The following MRTFA variants were observed in gnomAD, a reference collection of about 807,000 sequenced individuals.
MRTFA encodes myocardin-related transcription factor A.
In MRTFA, 20 loss-of-function variants were observed where a neutral mutation model predicts 83.5. The observed-to-expected ratio is 0.24, with a 90% confidence interval of 0.17 to 0.35. The LOEUF (loss-of-function observed/expected upper bound fraction) is 0.35, where lower values mean the gene tolerates loss of function less well. MRTFA is among the 10% of genes least tolerant of loss of function. MRTFA has a pLI of 1.00. For missense variants in MRTFA, 1,200 were observed against 1,224.7 expected (o/e 0.98, Z 0.30); for synonymous variants, 659 against 541.2 (o/e 1.22, Z -3.02).
intron 2 of MRTFA, among the ~76,000 whole-genome samples, chr22:40,582,384 T>C (rs1250532917): frequency 6.6e-6 from 1 of 152,250 alleles, no homozygotes; most frequent in African/African-American, 2.4e-5. Flanking sequence ...AATATTCATG[T>C]AAAAGTTTCT....
chr22:40,513,626 A>G lies in MRTFA; in HGVS notation c.241+38480T>C, dbSNP rs533969756. On this transcript the variant is annotated intron_variant, in intron 3 of 14. Coordinates refer to ENST00000355630, the MANE Select transcript of MRTFA (RefSeq NM_020831.6). The stretch of plus-strand genomic sequence containing the variant: ...TCAAAAAAAAAAAAAAAAGAAAAAG[A>G]AAAGGAAAAGACAAAATGCTTGCCA... Among the ~76,000 whole-genome samples, 11 of 151,756 alleles carry G rather than the reference A, an allele frequency of 7.2e-5. No homozygotes were observed. In the South Asian group the frequency reaches 2.3e-3, roughly 32 times the overall value.
intron 2 of MRTFA, 127 bp downstream of exon 2, chr22:40,594,547 G>A (rs183868725): frequency 1.3e-5 from 2 of 151,910 alleles, no homozygotes; most frequent in East Asian, 1.9e-4. Flanking sequence ...CGATGAGTGA[G>A]ACTGAAAAAG....
chr22:40,462,285 T>C (rs2053728532), intron 4 of MRTFA, among the ~76,000 whole-genome samples: 1 of 152,208 alleles, frequency 6.6e-6, no homozygotes, highest in Admixed American at 6.5e-5. Flanking sequence ...AAGAGCTGGA[T>C]TTATCTTGCT....
At chr22:40,590,577 G>T (rs2056105376) in intron 2 of MRTFA, among the ~76,000 whole-genome samples, 1 of 150,408 alleles carries the variant, frequency 6.6e-6, no homozygotes, top group Non-Finnish European at 1.5e-5. Flanking sequence ...TGAGGCACGA[G>T]AATTGCTTGA....
chr22:40,445,531 T>C (rs1393539578), intron 4 of MRTFA, among the ~76,000 whole-genome samples: 1 of 152,006 alleles, frequency 6.6e-6, no homozygotes, highest in East Asian at 1.9e-4. Context: ...CAAGGGGTTT[T>C]TTTTTGTTTT....
chr22:40,504,329 T>C (rs1026485610), intron 3 of MRTFA, among the ~76,000 whole-genome samples: 1 of 152,182 alleles, frequency 6.6e-6, no homozygotes, highest in Non-Finnish European at 1.5e-5. Flanking sequence ...TACTAAGCTA[T>C]GATCACATCA....
At chr22:40,591,596 G>A (rs904524601) in intron 2 of MRTFA, among the ~76,000 whole-genome samples, 7 of 152,198 alleles carry the variant, frequency 4.6e-5, no homozygotes, top group African/African-American at 1.7e-4. Context: ...TATTGGAAAT[G>A]TAATACTGGA....
Position 40,598,678 on chromosome 22 carries a change from GA to G in MRTFA, c.-83-3944del, listed in dbSNP as rs2056220822. Among the ~76,000 whole-genome samples, 4 of 152,186 alleles carry G rather than the reference GA, an allele frequency of 2.6e-5. No homozygotes were observed. In the South Asian group the frequency reaches 8.3e-4, roughly 32 times the overall value. ...AGATGTGTGTGCCCCCCCAAAATTG[GA>G]AATATTGTTCCTTAAAAACTTGGGT... On this transcript the variant is annotated intron_variant, in intron 1 of 14. Coordinates refer to ENST00000355630, the MANE Select transcript of MRTFA (RefSeq NM_020831.6).
At chr22:40,447,184 C>T (rs902363920) in intron 4 of MRTFA, among the ~76,000 whole-genome samples, 6 of 151,554 alleles carry the variant, frequency 4.0e-5, no homozygotes, top group African/African-American at 7.3e-5. Context: ...AGTGAAACTC[C>T]GTCTCTATGA....
intron 1 of MRTFA, among the ~76,000 whole-genome samples, chr22:40,603,507 C>T (rs1268165769): frequency 2.0e-5 from 3 of 152,078 alleles, no homozygotes; most frequent in Non-Finnish European, 4.4e-5. Flanking sequence ...AGAGTATATG[C>T]TTTTGATAGT....
rs1426401687 is a variant in MRTFA, at chr22:40,417,556, AGGGGGCG to A, written c.2365-70_2365-64del. On this transcript the variant is annotated intron_variant, in intron 12 of 14. Coordinates refer to ENST00000355630, the MANE Select transcript of MRTFA (RefSeq NM_020831.6). ...GGCTGGGGGTGCAGACCTGCCTTGT[AGGGGGCG>A]GGGGGCGGGGATAGGGCCAGGGCCT... is the stretch of plus-strand genomic sequence containing the variant. The A allele has an allele frequency of 7.3e-5, 3 of 41,072 alleles. 1 individual carries two copies. Among genetic ancestry groups the A allele is most frequent in the East Asian group, 2.0e-3 (2 of 1,002 alleles). The allele number at this position is 41,072 out of a possible 1,614,324, so 2.5% of individuals were successfully genotyped here.
intron 3 of MRTFA, among the ~76,000 whole-genome samples, chr22:40,482,108 A>G (rs1331512774): frequency 6.6e-6 from 1 of 151,896 alleles, no homozygotes; most frequent in Admixed American, 6.6e-5. Flanking sequence ...TAGCTCTTAC[A>G]TTGTGTTGTC....
intron 1 of MRTFA, among the ~76,000 whole-genome samples, chr22:40,611,031 G>C (rs1421936968): frequency 1.3e-5 from 2 of 148,582 alleles, no homozygotes; most frequent in South Asian, 2.1e-4. Context: ...TCCATGTCCC[G>C]GGCTCAAGTG....
At chr22:40,517,954 A>C (rs890954079) in intron 3 of MRTFA, among the ~76,000 whole-genome samples, 5 of 152,012 alleles carry the variant, frequency 3.3e-5, no homozygotes, top group African/African-American at 1.2e-4. Context: ...CATGATGAAG[A>C]CTCCATAGAA....
chr22:40,456,061 C>T (rs975239391), intron 4 of MRTFA, among the ~76,000 whole-genome samples: 8 of 151,960 alleles, frequency 5.3e-5, no homozygotes, highest in Non-Finnish European at 8.8e-5. Context: ...TCCCAAAGTG[C>T]TGGGATTACA....
At chr22:40,594,872 A>C (rs983613030) in intron 1 of MRTFA, 137 bp from the exon 2 acceptor site, 5 of 143,096 alleles carry the variant, frequency 3.5e-5, no homozygotes, top group Non-Finnish European at 7.6e-5. Flanking sequence ...CAGTGTTAAG[A>C]GTTCTGTCAC....
At chr22:40,424,418 C>G in intron 7 of MRTFA, 37 bp from the exon 8 acceptor site, 1 of 1,604,968 alleles carries the variant, frequency 6.2e-7, no homozygotes, top group Non-Finnish European at 8.5e-7. Context: ...CCACTTCCAG[C>G]CCAGGGAACA....
chr22:40,429,023 C>G (rs2053013556), intron 7 of MRTFA, among the ~76,000 whole-genome samples: 2 of 152,182 alleles, frequency 1.3e-5, no homozygotes, highest in Non-Finnish European at 2.9e-5. Flanking sequence ...CTCTGTGTTT[C>G]CAAAGTACCC....
intron 3 of MRTFA, among the ~76,000 whole-genome samples, chr22:40,541,113 C>T (rs772668280): frequency 2.4e-4 from 36 of 152,026 alleles, no homozygotes; most frequent in Middle Eastern, 3.4e-3. Flanking sequence ...TCAATGAGAA[C>T]GAAAATGCTG....
Sources: allele counts gnomAD v4.1 joint callset (sites outside exome capture counted in the v4.1 genomes callset), GRCh38; gene constraint gnomAD v4.1.1; transcripts MANE v1.5; gene names NCBI Gene and HGNC (gene_info 2026-07-23, HGNC 2026-07-21).